The following XKR7 variants were observed in gnomAD, a reference collection of about 807,000 sequenced individuals.
The protein encoded by XKR7 is XK related 7, also known as XK-related protein 7.
XKR7 carries 11 observed loss-of-function variants against 42.2 expected under a neutral mutation model. That is an observed-to-expected ratio of 0.26 (90% CI 0.16 to 0.43). The LOEUF (loss-of-function observed/expected upper bound fraction) is 0.43, where lower values mean the gene tolerates loss of function less well. XKR7 is among the 20% of genes least tolerant of loss of function. The probability of loss-of-function intolerance (pLI) is 1.00; values close to 1 mark genes in which losing one functional copy is unlikely to be tolerated. For synonymous variants in XKR7, 346 were observed against 366.4 expected (o/e 0.94, Z 0.64); for missense variants, 710 against 802.2 (o/e 0.89, Z 1.39).
Position 31,999,728 on chromosome 20 carries a change from C to A in XKR7, c.*2271C>A, listed in dbSNP as rs1051166111. ...TTTCACTTACACTCTCCTCTGGTCA[C>A]GACGTCCCTGCAAGAGAGGTATTAT... On this transcript the variant is annotated 3_prime_UTR_variant, in exon 3 of 3. Transcript: ENST00000562532. 7 of 152,070 alleles carry A rather than the reference C, an allele frequency of 4.6e-5. No homozygotes were observed. Among genetic ancestry groups the A allele is most frequent in the African/African-American group, 1.7e-4 (7 of 41,414 alleles). The allele number at this position is 152,070 out of a possible 1,614,324, so 9.4% of individuals were successfully genotyped here. A position where few individuals can be genotyped will look rare whatever the true frequency, so the allele number is the denominator to read the frequency against.
intron 1 of XKR7, among the ~76,000 whole-genome samples, chr20:31,980,184 G>C (rs1369033355): frequency 3.3e-5 from 5 of 151,772 alleles, no homozygotes; most frequent in African/African-American, 1.2e-4. Flanking sequence ...GGCTGCTAAG[G>C]AGGAGGGAGA....
Position 31,997,617 on chromosome 20 carries a change from C to A in XKR7, c.*160C>A. 1 of 704,908 alleles carries A rather than the reference C, an allele frequency of 1.4e-6. No individual in the cohort carries two copies. Among genetic ancestry groups the A allele is most frequent in the Non-Finnish European group, 2.3e-6 (1 of 436,146 alleles). The allele number at this position is 704,908 out of a possible 1,614,324, so 43.7% of individuals were successfully genotyped here. ...TGGGTTCTTTCAGGGGAGGGGGCAG[C>A]CTTGCGGAGGCCCCAGCCCTGGGCC... On this transcript the variant is annotated 3_prime_UTR_variant, in exon 3 of 3. Transcript: ENST00000562532.
At position 31,995,674 on chromosome 20, in the gene XKR7, T is replaced by C. The variant is rs905863164; in HGVS notation, c.787+404T>C. 9.9e-5 allele frequency among the ~76,000 whole-genome samples: 15 copies of C among 151,920 alleles called. No individual in the cohort carries two copies. The highest frequency in any genetic ancestry group is 3.6e-4 in the African/African-American group (15 of 41,378). On this transcript the variant is annotated intron_variant, in intron 2 of 2. Transcript: ENST00000562532. This position sits in a 1 kb window ranked among gnomAD's most constrained non-coding sequence, Gnocchi z 4.1. Reference sequence around the variant, plus strand: ...CAGCCTGCATCTCCTGGGGACCCCCTGCCTCATAGACCTGGCCAATCACCA... The same window carrying C: ...CAGCCTGCATCTCCTGGGGACCCCCCGCCTCATAGACCTGGCCAATCACCA...
chr20:31,968,481 G>A lies in XKR7; in HGVS notation c.306G>A (p.Leu102=), dbSNP rs376838357. 1.9e-6 allele frequency: 3 copies of A among 1,613,940 alleles called. No homozygotes were observed. In the South Asian group the frequency reaches 3.3e-5, roughly 18 times the overall value. ...LTLLFVLLPS[L]VVQLLSFRWF... Reference sequence around the variant, plus strand: ...TGCTGTTCGTGCTCCTGCCCTCGCTGGTCGTGCAGTTACTGAGCTTCCGCT... The same window carrying A: ...TGCTGTTCGTGCTCCTGCCCTCGCTAGTCGTGCAGTTACTGAGCTTCCGCT... The change falls in exon 1 of 3, where the codon CTG becomes CTA. Residue 102 remains leucine, a synonymous_variant. Transcript: ENST00000562532. This position sits in a 1 kb window ranked among gnomAD's most constrained non-coding sequence, Gnocchi z 4.5.
At chr20:31,974,884 T>C (rs1032947917) in intron 1 of XKR7, among the ~76,000 whole-genome samples, 5 of 152,100 alleles carry the variant, frequency 3.3e-5, no homozygotes, top group African/African-American at 4.8e-5. Context: ...ACTCACCTCC[T>C]GGGAGACCCC....
chr20:31,991,975 G>A (rs780075264), intron 1 of XKR7, among the ~76,000 whole-genome samples: 4 of 152,158 alleles, frequency 2.6e-5, no homozygotes, highest in Admixed American at 6.5e-5. Context: ...AAATTAGCCA[G>A]GCATGATGGC....
intron 1 of XKR7, among the ~76,000 whole-genome samples, chr20:31,972,870 G>A (rs112977101): frequency 6.6e-6 from 1 of 152,292 alleles, no homozygotes; most frequent in African/African-American, 2.4e-5. Flanking sequence ...GTGACCTATT[G>A]GAAGGAAATG....
chr20:31,968,371 G>A lies in XKR7; in HGVS notation c.196G>A (p.Val66Met). 1 of 1,611,902 alleles carries A rather than the reference G, an allele frequency of 6.2e-7. No individual in the cohort carries two copies. Among genetic ancestry groups the A allele is most frequent in the Non-Finnish European group, 8.5e-7 (1 of 1,179,590 alleles). ...DCCWVLCALL[V>M]FFSDGATDLW... ...CTGCTGGGTGCTGTGCGCGCTGCTCGTGTTCTTCTCCGACGGTGCCACGGA... is the reference window on the plus strand; with the variant it reads ...CTGCTGGGTGCTGTGCGCGCTGCTCATGTTCTTCTCCGACGGTGCCACGGA... Residue 66 changes from valine (V) to methionine (M), a missense_variant, in exon 1 of 3, where the codon GTG becomes ATG. By Grantham distance (21) the Val-to-Met change is conservative. This residue lies in a region of XKR7 where 708 missense variants were observed against 786.2 expected (regional missense o/e 0.90). Coordinates refer to ENST00000562532, the MANE Select transcript of XKR7 (RefSeq NM_001011718.2). The surrounding 1 kb of genome is among the most constrained non-coding windows in gnomAD (Gnocchi z 4.5).
In XKR7 at chr20:31,995,197, G is replaced by A. The variant is rs1362819315; in HGVS notation, c.714G>A (p.Leu238=). 6.5e-7 allele frequency: 1 copy of A among 1,547,402 alleles called. No individual in the cohort carries two copies. Among genetic ancestry groups the A allele is most frequent in the Admixed American group, 2.0e-5 (1 of 51,036 alleles). ...VSMLRLLETF[L]RSAPQLVLQL... ...TGCTGCGCTTGCTGGAGACCTTCCTGCGCAGCGCGCCGCAGCTAGTGCTGC... is the reference window on the plus strand; with the variant it reads ...TGCTGCGCTTGCTGGAGACCTTCCTACGCAGCGCGCCGCAGCTAGTGCTGC... Residue 238 remains leucine, a synonymous_variant, in exon 2 of 3, where the codon CTG becomes CTA. Transcript: ENST00000562532. The surrounding 1 kb of genome is among the most constrained non-coding windows in gnomAD (Gnocchi z 4.1).
At chr20:31,993,992 G>C (rs963993263) in intron 1 of XKR7, among the ~76,000 whole-genome samples, 8 of 152,240 alleles carry the variant, frequency 5.3e-5, no homozygotes, top group Admixed American at 2.0e-4. Flanking sequence ...GTGAGCTCTG[G>C]CTCTGTGACC....
intron 1 of XKR7, among the ~76,000 whole-genome samples, chr20:31,984,039 A>T (rs1253656145): frequency 1.3e-5 from 2 of 151,892 alleles, no homozygotes; most frequent in Non-Finnish European, 2.9e-5. Flanking sequence ...AGTCAAGTGG[A>T]TCCCTTGAGG....
chr20:31,992,578 G>T (rs926103046), intron 1 of XKR7, among the ~76,000 whole-genome samples: 17 of 152,156 alleles, frequency 1.1e-4, no homozygotes, highest in African/African-American at 3.1e-4. Flanking sequence ...AGGAGAGTTG[G>T]ACAGAGGGGG....
chr20:31,972,247 T>C (rs1403341055), intron 1 of XKR7, among the ~76,000 whole-genome samples: 3 of 152,178 alleles, frequency 2.0e-5, no homozygotes, highest in Admixed American at 2.0e-4. Context: ...CTGGTGACTA[T>C]TGATATACCC....
chr20:31,995,512 C>T lies in XKR7; in HGVS notation c.787+242C>T, dbSNP rs1019184328. Among the ~76,000 whole-genome samples the T allele has an allele frequency of 1.3e-5, 2 of 152,140 alleles. No individual in the cohort carries two copies. Among genetic ancestry groups the T allele is most frequent in the East Asian group, 3.9e-4 (2 of 5,154 alleles). ...GAGGGACCTGGCCCCTCCACTCCCT[C>T]GACACCCATCAGCCCCCCTGGGCGC... On this transcript the variant is annotated intron_variant, in intron 2 of 2. Coordinates refer to ENST00000562532, the MANE Select transcript of XKR7 (RefSeq NM_001011718.2). This position sits in a 1 kb window ranked among gnomAD's most constrained non-coding sequence, Gnocchi z 4.1.
chr20:31,968,775 G>A lies in XKR7; in HGVS notation c.584+16G>A. 6.7e-7 allele frequency: 1 copy of A among 1,485,002 alleles called. No homozygotes were observed. The highest frequency in any genetic ancestry group is 8.9e-7 in the Non-Finnish European group (1 of 1,123,530). The allele number at this position is 1,485,002 out of a possible 1,614,324, so 92.0% of individuals were successfully genotyped here. ...AGGTCTGGAGGTAGGAGAAGCGCAG[G>A]TGGAGGGACCTGAGCCCGAGGAGTG... On this transcript the variant is annotated intron_variant, in intron 1 of 2. Coordinates refer to ENST00000562532, the MANE Select transcript of XKR7 (RefSeq NM_001011718.2). The surrounding 1 kb of genome is among the most constrained non-coding windows in gnomAD (Gnocchi z 4.5).
Position 31,995,524 on chromosome 20 carries a change from G to GC in XKR7, c.787+260dup, listed in dbSNP as rs1600663433. On this transcript the variant is annotated intron_variant, in intron 2 of 2. Transcript: ENST00000562532. The surrounding 1 kb of genome is among the most constrained non-coding windows in gnomAD (Gnocchi z 4.1). Reference sequence around the variant, plus strand: ...CCCTCCACTCCCTCGACACCCATCAGCCCCCCTGGGCGCTCCTGCCCTCCT... The same window carrying GC: ...CCCTCCACTCCCTCGACACCCATCAGCCCCCCCTGGGCGCTCCTGCCCTCCT... 1.3e-5 allele frequency among the ~76,000 whole-genome samples: 2 copies of GC among 151,886 alleles called. No individual in the cohort carries two copies. The highest frequency in any genetic ancestry group is 2.4e-5 in the African/African-American group (1 of 41,348).
At chr20:31,989,291 A>G (rs1339042717) in intron 1 of XKR7, among the ~76,000 whole-genome samples, 2 of 148,054 alleles carry the variant, frequency 1.4e-5, no homozygotes, top group Middle Eastern at 6.5e-3. Flanking sequence ...CCCCCAGCGC[A>G]TCTGGAGTGT....
chr20:31,989,144 C>A (rs987918848), intron 1 of XKR7, among the ~76,000 whole-genome samples: 1 of 152,034 alleles, frequency 6.6e-6, no homozygotes, highest in Non-Finnish European at 1.5e-5. Context: ...GCAAGGGTGG[C>A]CTGGGAGGCC....
At chr20:31,982,617 A>C (rs1289163873) in intron 1 of XKR7, among the ~76,000 whole-genome samples, 8 of 152,106 alleles carry the variant, frequency 5.3e-5, no homozygotes, top group African/African-American at 1.9e-4. Context: ...GATTATGTCC[A>C]TGAACCTCAC....
Sources: allele counts gnomAD v4.1 joint callset (sites outside exome capture counted in the v4.1 genomes callset), GRCh38; gene constraint gnomAD v4.1.1; regional missense constraint gnomAD v4.1.1; non-coding constraint Gnocchi (gnomAD v3.1); transcripts MANE v1.5; gene names NCBI Gene and HGNC (gene_info 2026-07-23, HGNC 2026-07-21).